SGSH: variants seen among roughly 807,000 people sequenced by gnomAD.
SGSH encodes heparan sulfate sulfatase.
SGSH carries 48 observed loss-of-function variants against 51.0 expected under a neutral mutation model. The observed-to-expected ratio is 0.94, with a 90% CI of 0.75 to 1.20. The LOEUF is 1.20. SGSH is among the 50% of genes most tolerant of loss of function. The pLI, the probability that SGSH is intolerant of heterozygous loss-of-function variation, is 0.00. For synonymous variants in SGSH, 321 were observed against 313.4 expected (o/e 1.02, Z -0.26); for missense variants, 662 against 717.8 (o/e 0.92, Z 0.89).
chr17:80,218,833 G>T (rs1019393991), intron 1 of SGSH, among the ~76,000 whole-genome samples: 2 of 152,128 alleles, frequency 1.3e-5, no homozygotes, highest in South Asian at 2.1e-4. Context: ...ATAAGGATGA[G>T]ATCCTGATCT....
chr17:80,200,944 G>A, the SGSH span: 1 of 152,450 alleles, frequency 6.6e-6, no homozygotes, highest in Non-Finnish European at 1.5e-5. Context: ...AGGAGGTGGA[G>A]CTGAGGCCGT....
At chr17:80,208,037 G>A (rs1171520240), downstream of SGSH, 3 of 850,596 alleles carry the variant, frequency 3.5e-6, no homozygotes, top group Admixed American at 3.2e-5. Flanking sequence ...GAGGCCACCT[G>A]TGTTTAGGGG....
chr17:80,214,278 G>C lies in SGSH; in HGVS notation c.557C>G (p.Ser186Cys), dbSNP rs1273864238. 3.1e-6 allele frequency: 5 copies of C among 1,613,304 alleles called. No individual in the cohort carries two copies. Among genetic ancestry groups the C allele is most frequent in the Non-Finnish European group, 4.2e-6 (5 of 1,180,028 alleles). ...ACAGAAGGTTCCGTACTGGGGCTGG[G>C]AGTGCCCACAGCGGTGGGGGTCGTG... ...AFHDPHRCGH[S>C]QPQYGTFCEK... The change falls in exon 5 of 8, where the codon TCC becomes TGC. Residue 186 changes from serine (S) to cysteine (C), a missense_variant. Coordinates refer to ENST00000326317, the MANE Select transcript of SGSH (RefSeq NM_000199.5).
chr17:80,219,280 G>A (rs924860906), intron 1 of SGSH, among the ~76,000 whole-genome samples: 3 of 151,642 alleles, frequency 2.0e-5, no homozygotes, highest in Admixed American at 6.6e-5. Context: ...CCTGTAAGCC[G>A]AAAGTGGACC....
rs771259698 is a variant in SGSH at position 80,213,923 on chromosome 17, A to C, written c.664-38T>G. 3,952 of 673,954 alleles carry C rather than the reference A, an allele frequency of 5.9e-3. 17 individuals are homozygous for C. Among genetic ancestry groups the C allele is most frequent in the Non-Finnish European group, 5.6e-3 (2,800 of 497,970 alleles). 41.7% of individuals were successfully genotyped at this position (673,954 alleles called of 1,614,324 possible). A position where few individuals can be genotyped will look rare whatever the true frequency, so the allele number is the denominator to read the frequency against. On this transcript the variant is annotated intron_variant, in intron 5 of 7. Coordinates refer to ENST00000326317, the MANE Select transcript of SGSH (RefSeq NM_000199.5). The surrounding 1 kb of genome is among the most constrained non-coding windows in gnomAD (Gnocchi z 4.6). ...GTGGGGAGCCAGGCTTAGAACAGAC[A>C]GACCGGGGGAGCGGTGTCCAGCCTT...
downstream of SGSH, chr17:80,204,999 C>T: frequency 6.6e-7 from 1 of 1,508,040 alleles, no homozygotes. Context: ...GGGGCTGCCG[C>T]AGCCTCACCC....
chr17:80,216,695 G>A (rs190364346), intron 2 of SGSH: 13 of 333,510 alleles, frequency 3.9e-5, no homozygotes, highest in Non-Finnish European at 6.8e-5. Context: ...ACCAGGCCTC[G>A]CACTAAGTGT....
intron 2 of SGSH, 27 bp downstream of exon 2, chr17:80,217,005 C>T (rs1182678118): frequency 1.3e-6 from 2 of 1,529,648 alleles, no homozygotes; most frequent in Non-Finnish European, 1.8e-6. Context: ...CCCTGCCCAC[C>T]CCCTCCTCCC....
At chr17:80,203,952 G>T, downstream of SGSH, 1 of 1,293,314 alleles carries the variant, frequency 7.7e-7, no homozygotes, top group African/African-American at 1.5e-5. The surrounding 1 kb of genome is among the most constrained non-coding windows in gnomAD (Gnocchi z 4.6). Context: ...GTGCTGGCAG[G>T]GTGGCAGGAG....
At chr17:80,202,148 G>T (rs1567897419), downstream of SGSH, 1 of 1,570,882 alleles carries the variant, frequency 6.4e-7, no homozygotes. Context: ...CGTATCTGTG[G>T]CTCATCTGTG....
downstream of SGSH, chr17:80,204,286 C>G: frequency 6.2e-7 from 1 of 1,601,382 alleles, no homozygotes; most frequent in Non-Finnish European, 8.5e-7. Context: ...AAGCCAAGGC[C>G]AGCCCTCTGC....
rs1046551417 is a variant in SGSH, at chr17:80,212,203, C to G, written c.817G>C (p.Asp273His). The change falls in exon 7 of 8, where the codon GAC becomes CAC. Residue 273 changes from aspartate (D) to histidine (H), a missense_variant. By Grantham distance (81) the Asp-to-His change is moderately conservative (BLOSUM62 -1). Transcript: ENST00000326317. The surrounding 1 kb of genome is among the most constrained non-coding windows in gnomAD (Gnocchi z 5.9). Reference protein sequence around the residue: ...LNDTLVIFTSDNGIPFPSGRT... With the variant: ...LNDTLVIFTSHNGIPFPSGRT... ...CCGCTGGGGAAGGGGATCCCGTTGT[C>G]GGACGTGAAGATCACCAGTGTGTCG... The G allele has an allele frequency of 6.2e-7, 1 of 1,613,294 alleles. No individual in the cohort carries two copies. The highest frequency in any genetic ancestry group is 1.3e-5 in the African/African-American group (1 of 74,932).
rs923841612 is a variant in SGSH, at chr17:80,210,248, G to C, written c.*204C>G. 6.9e-5 allele frequency: 98 copies of C among 1,426,748 alleles called. No individual in the cohort carries two copies. The highest frequency in any genetic ancestry group is 5.2e-4 in the Middle Eastern group (2 of 3,878). The allele number at this position is 1,426,748 out of a possible 1,614,324, so 88.4% of individuals were successfully genotyped here. A position where few individuals can be genotyped will look rare whatever the true frequency, so the allele number is the denominator to read the frequency against. On this transcript the variant is annotated 3_prime_UTR_variant, in exon 8 of 8. Coordinates refer to ENST00000326317, the MANE Select transcript of SGSH (RefSeq NM_000199.5). ...ACGGCAGTGCCCCTGGTGGTGGAGG[G>C]GCTGGGCACATGCTCTGGTCACATG...
downstream of SGSH, chr17:80,204,295 G>A (rs1037309214): frequency 8.8e-6 from 14 of 1,598,996 alleles, no homozygotes; most frequent in Non-Finnish European, 1.1e-5. Context: ...CCAGCCCTCT[G>A]CGTTTGTCCT....
Position 80,210,566 on chromosome 17 carries a change from C to T in SGSH, c.1395G>A (p.Arg465=), listed in dbSNP as rs764491308. 1 of 1,613,018 alleles carries T rather than the reference C, an allele frequency of 6.2e-7. No individual in the cohort carries two copies. The highest frequency in any genetic ancestry group is 1.3e-5 in the African/African-American group (1 of 75,030). The change falls in exon 8 of 8, where the codon CGG becomes CGA. Residue 465 remains arginine (R), a synonymous_variant. Coordinates refer to ENST00000326317, the MANE Select transcript of SGSH (RefSeq NM_000199.5). ...PRFAQLLEML[R]DQLAKWQWET... Reference sequence around the variant, plus strand: ...CCCACTGCCACTTGGCCAGCTGGTCCCGAAGCATCTCCAGAAGCTGAGCAA... The same window carrying T: ...CCCACTGCCACTTGGCCAGCTGGTCTCGAAGCATCTCCAGAAGCTGAGCAA...
At chr17:80,211,056 C>G in intron 7 of SGSH, 45 bp from the exon 8 acceptor site, 3 of 1,596,410 alleles carry the variant, frequency 1.9e-6, no homozygotes, top group Non-Finnish European at 1.7e-6. Flanking sequence ...CCTCAGCACA[C>G]AGGAGCTGCC....
chr17:80,201,946 T>C (rs917321444), downstream of SGSH: 2 of 1,508,898 alleles, frequency 1.3e-6, no homozygotes, highest in East Asian at 2.3e-5. The surrounding 1 kb of genome is among the most constrained non-coding windows in gnomAD (Gnocchi z 5.0). Flanking sequence ...GTGGTTCTTC[T>C]GCACGCCCAG....
chr17:80,202,478 C>T (rs954302055), downstream of SGSH: 49 of 1,579,810 alleles, frequency 3.1e-5, no homozygotes, highest in Non-Finnish European at 4.1e-5. Flanking sequence ...GAAATGGCAC[C>T]CAGCCTGCCT....
At chr17:80,204,290 C>T, downstream of SGSH, 1 of 1,600,550 alleles carries the variant, frequency 6.2e-7, no homozygotes, top group Non-Finnish European at 8.5e-7. Flanking sequence ...CAAGGCCAGC[C>T]CTCTGCGTTT....
Sources: gnomAD v4.1 joint callset for allele counts (sites outside exome capture counted in the v4.1 genomes callset) on GRCh38, gnomAD v4.1.1 for gene constraint, Gnocchi (gnomAD v3.1) non-coding constraint, MANE v1.5 for transcripts, NCBI Gene and HGNC (gene_info 2026-07-23, HGNC 2026-07-21) for gene names.